The following ZDHHC17 variants were observed in gnomAD, a reference collection of about 807,000 sequenced individuals.
The protein encoded by ZDHHC17 is zDHHC palmitoyltransferase 17, also known as palmitoyltransferase ZDHHC17.
A neutral mutation model predicts 90.3 loss-of-function variants in ZDHHC17; 40 were observed. The ratio of observed to expected loss-of-function variants is 0.44; its 90% CI spans 0.34 to 0.58. The LOEUF (loss-of-function observed/expected upper bound fraction) is 0.58, where lower values mean the gene tolerates loss of function less well. ZDHHC17 is among the 20% of genes least tolerant of loss of function. The pLI is 0.01. For synonymous variants in ZDHHC17, 235 were observed against 252.4 expected, an observed-to-expected ratio of 0.93 and a Z score of 0.65; for missense variants, 614 against 780.8, an observed-to-expected ratio of 0.79 and a Z score of 2.55.
intron 10 of ZDHHC17, among the ~76,000 whole-genome samples, chr12:76,841,525 T>C (rs1164842943): frequency 2.0e-5 from 3 of 152,190 alleles, no homozygotes; most frequent in Non-Finnish European, 4.4e-5. Flanking sequence ...AGCAAGCTTA[T>C]ATTTTTTCTG....
Position 76,809,682 on chromosome 12 carries a change from A to G in ZDHHC17, c.399-31A>G, listed in dbSNP as rs1247105574. The G allele has an allele frequency of 6.8e-5, 94 of 1,377,440 alleles. 1 individual carries two copies. The highest frequency in any genetic ancestry group is 1.5e-5 in the African/African-American group (1 of 66,026). 85.3% of individuals were successfully genotyped at this position (1,377,440 alleles called of 1,614,324 possible). On this transcript the variant is annotated intron_variant, in intron 4 of 16. Transcript: ENST00000426126. ...AGGATCCTGTTTGAAATAACTTTAT[A>G]TATCTAAGTGTTTATTCTTTTATGT... is the stretch of plus-strand genomic sequence containing the variant.
At chr12:76,837,095 G>A (rs925235227) in intron 10 of ZDHHC17, among the ~76,000 whole-genome samples, 4 of 152,058 alleles carry the variant, frequency 2.6e-5, no homozygotes, top group African/African-American at 9.7e-5. Context: ...TCTCCATGGG[G>A]TTTTCTTACT....
intron 1 of ZDHHC17, among the ~76,000 whole-genome samples, chr12:76,775,827 C>T (rs943770342): frequency 6.6e-6 from 1 of 152,032 alleles, no homozygotes. Flanking sequence ...TTGTTTTTAA[C>T]CCTAGAATTT....
Position 76,821,098 on chromosome 12 carries a change from G to T in ZDHHC17, c.772-1308G>T. 2.3e-6 allele frequency: 3 copies of T among 1,289,238 alleles called. No homozygotes were observed. In the South Asian group the frequency reaches 3.7e-5, roughly 16 times the overall value. The allele number at this position is 1,289,238 out of a possible 1,614,324, so 79.9% of individuals were successfully genotyped here. The stretch of plus-strand genomic sequence containing the variant: ...CACATGGCCCTCTAGTGGAAGGGAT[G>T]CTCAGCTGGACCGAGGCAACTGCAG... On this transcript the variant is annotated intron_variant, in intron 7 of 16. Transcript: ENST00000426126.
intron 1 of ZDHHC17, among the ~76,000 whole-genome samples, chr12:76,791,159 G>T (rs1433982927): frequency 6.6e-6 from 1 of 152,150 alleles, no homozygotes; most frequent in Admixed American, 6.5e-5. Context: ...TCTGTCTTGA[G>T]TATAGTGCCA....
At chr12:76,789,605 A>C (rs1426354210) in intron 1 of ZDHHC17, among the ~76,000 whole-genome samples, 1 of 152,218 alleles carries the variant, frequency 6.6e-6, no homozygotes, top group African/African-American at 2.4e-5. Context: ...GAAATGTAAA[A>C]GGAAAGAATA....
In ZDHHC17 at chr12:76,845,797, G is replaced by A; in HGVS notation, c.1418G>A (p.Cys473Tyr). Residue 473 changes from cysteine to tyrosine, a missense_variant, in exon 13 of 17, where the codon TGT (cysteine) becomes TAT (tyrosine). This residue lies in a region of ZDHHC17 where 111 missense variants were observed against 179.8 expected (regional missense o/e 0.62). Coordinates refer to ENST00000426126, the MANE Select transcript of ZDHHC17 (RefSeq NM_015336.4). ...CATCATTGCCCATGGGTGGGTAACT[G>A]TGTAGGTAAGTTGTATTAGTAATTT... ...FDHHCPWVGN[C>Y]VGAGNHRYFM... is the part of the protein sequence containing the mutation. 6.3e-7 allele frequency: 1 copy of A among 1,579,882 alleles called. No homozygotes were observed. The highest frequency in any genetic ancestry group is 1.1e-5 in the South Asian group (1 of 89,986).
chr12:76,769,941 A>G (rs920753193), intron 1 of ZDHHC17, among the ~76,000 whole-genome samples: 4 of 152,164 alleles, frequency 2.6e-5, no homozygotes, highest in African/African-American at 7.2e-5. Context: ...GAGGATCTCA[A>G]AAGTATTTAT....
Position 76,809,120 on chromosome 12 carries a change from G to T in ZDHHC17, c.398G>T (p.Arg133Ile). The T allele has an allele frequency of 6.5e-7, 1 of 1,533,286 alleles. No individual in the cohort carries two copies. The highest frequency in any genetic ancestry group is 8.7e-7 in the Non-Finnish European group (1 of 1,143,096). 95.0% of individuals were successfully genotyped at this position (1,533,286 alleles called of 1,614,324 possible). Residue 133 changes from arginine to isoleucine, a missense_variant and splice_region_variant, in exon 4 of 17, where the codon AGA becomes ATA. By Grantham distance (97) the Arg-to-Ile change is moderately conservative. Coordinates refer to ENST00000426126, the MANE Select transcript of ZDHHC17 (RefSeq NM_015336.4). ...LNSTPLHWATRQGHLSMVVQL... is the reference protein window; with the variant it reads ...LNSTPLHWATIQGHLSMVVQL... ...TCAACTCCATTGCACTGGGCCACAAGGTTTAAATTTGCTTCTGGATTTTTT... is the reference window on the plus strand; with the variant it reads ...TCAACTCCATTGCACTGGGCCACAATGTTTAAATTTGCTTCTGGATTTTTT...
At chr12:76,814,999 G>T in intron 5 of ZDHHC17, 147 bp from the exon 6 acceptor site, 1 of 491,978 alleles carries the variant, frequency 2.0e-6, no homozygotes, top group Non-Finnish European at 3.6e-6. Context: ...TCATTTTAAA[G>T]TTAAGAAAGA....
At chr12:76,808,763 T>G (rs1952984567) in intron 3 of ZDHHC17, among the ~76,000 whole-genome samples, 1 of 152,120 alleles carries the variant, frequency 6.6e-6, no homozygotes, top group Non-Finnish European at 1.5e-5. Flanking sequence ...TTGTAGTTCC[T>G]TGAGTACCTT....
chr12:76,849,782 C>T (rs1953541074), intron 16 of ZDHHC17: 1 of 171,616 alleles, frequency 5.8e-6, no homozygotes, highest in African/African-American at 2.4e-5. Flanking sequence ...TTATTACCAA[C>T]TCTTCAGCTT....
chr12:76,845,827 T>C, intron 13 of ZDHHC17, 25 bp downstream of exon 13: 2 of 1,302,248 alleles, frequency 1.5e-6, no homozygotes, highest in Middle Eastern at 1.8e-4. Context: ...TAATTTCTTC[T>C]GTATCATTCA....
chr12:76,774,592 TTAG>T (rs963277755), intron 1 of ZDHHC17, among the ~76,000 whole-genome samples: 64 of 152,318 alleles, frequency 4.2e-4, no homozygotes, highest in African/African-American at 1.5e-3. Context: ...ATTCTTCTAC[TTAG>T]TAGAGCTTTT....
chr12:76,835,630 A>G (rs890241610), intron 10 of ZDHHC17, among the ~76,000 whole-genome samples: 5 of 152,068 alleles, frequency 3.3e-5, no homozygotes, highest in African/African-American at 1.2e-4. Context: ...TATTATTTCT[A>G]ATAACTTGGG....
intron 9 of ZDHHC17, 98 bp downstream of exon 9, chr12:76,827,148 C>G: frequency 7.8e-7 from 1 of 1,282,208 alleles, no homozygotes; most frequent in East Asian, 3.1e-5. Context: ...TACATTTGAT[C>G]TTAATTTATT....
chr12:76,820,185 A>G (rs1256451305), intron 7 of ZDHHC17, among the ~76,000 whole-genome samples: 1 of 152,092 alleles, frequency 6.6e-6, no homozygotes, highest in Non-Finnish European at 1.5e-5. Context: ...AGTTACTTGT[A>G]TCAGCATTCT....
chr12:76,848,933 T>C (rs1210071861), intron 15 of ZDHHC17, among the ~76,000 whole-genome samples: 1 of 151,846 alleles, frequency 6.6e-6, no homozygotes, highest in African/African-American at 2.4e-5. Flanking sequence ...TTCATTGTTT[T>C]TATCTTTATC....
At chr12:76,797,917 C>T (rs1952840828) in intron 2 of ZDHHC17, among the ~76,000 whole-genome samples, 1 of 149,076 alleles carries the variant, frequency 6.7e-6, no homozygotes, top group Non-Finnish European at 1.5e-5. Context: ...GTGCTCCAGC[C>T]TAGGCAACAA....
Sources: allele counts gnomAD v4.1 joint callset (sites outside exome capture counted in the v4.1 genomes callset), GRCh38; gene constraint gnomAD v4.1.1; regional missense constraint gnomAD v4.1.1; transcripts MANE v1.5; gene names NCBI Gene and HGNC (gene_info 2026-07-23, HGNC 2026-07-21).